The following PCDH9 variants were observed in gnomAD, a reference collection of about 807,000 sequenced individuals.
PCDH9 encodes protocadherin 9.
In PCDH9, 24 loss-of-function variants were observed where a neutral mutation model predicts 70.6. The ratio of observed to expected loss-of-function variants is 0.34; its 90% CI spans 0.25 to 0.48. The LOEUF (loss-of-function observed/expected upper bound fraction) is 0.48, where lower values mean the gene tolerates loss of function less well. Among genes scored for constraint, PCDH9 ranks in the 20% least tolerant of loss-of-function variants. PCDH9 has a pLI of 0.99. For synonymous variants in PCDH9, 562 were observed against 558.5 expected (o/e 1.01, Z -0.09); for missense variants, 1,281 against 1,503.6 (o/e 0.85, Z 2.45).
intron 2 of PCDH9, among the ~76,000 whole-genome samples, chr13:67,006,213 A>C (rs1010347389): frequency 1.1e-4 from 17 of 152,022 alleles, no homozygotes; most frequent in Non-Finnish European, 4.4e-5. Context: ...GGCGACAGAG[A>C]GAGACTCCGT....
At chr13:67,219,491 T>C (rs981829600) in intron 2 of PCDH9, 3 of 152,048 alleles carry the variant, frequency 2.0e-5, no homozygotes, top group Middle Eastern at 3.2e-3. Flanking sequence ...ACTTCTGTAG[T>C]ATAATGTAGA....
intron 3 of PCDH9, among the ~76,000 whole-genome samples, chr13:66,756,971 G>A (rs2079547341): frequency 6.6e-6 from 1 of 152,062 alleles, no homozygotes. Flanking sequence ...CAAGTAGCTG[G>A]GACTACAGGT....
chr13:67,066,587 A>G (rs2085653676), intron 2 of PCDH9, among the ~76,000 whole-genome samples: 1 of 152,162 alleles, frequency 6.6e-6, no homozygotes, highest in African/African-American at 2.4e-5. Context: ...GGTTCAATTT[A>G]AGCCAGATAT....
intron 2 of PCDH9, among the ~76,000 whole-genome samples, chr13:67,070,771 A>T (rs1265391720): frequency 6.6e-6 from 1 of 152,178 alleles, no homozygotes; most frequent in African/African-American, 2.4e-5. Flanking sequence ...TATTGGTTCA[A>T]TTGAGTTCTG....
chr13:66,833,930 T>G (rs1251656650), intron 3 of PCDH9, among the ~76,000 whole-genome samples: 1 of 152,186 alleles, frequency 6.6e-6, no homozygotes, highest in Non-Finnish European at 1.5e-5. Context: ...GTTGAATAGC[T>G]GATAATGAGC....
intron 3 of PCDH9, among the ~76,000 whole-genome samples, chr13:66,788,648 ATTTTTTT>A (rs58386697): frequency 1.2e-4 from 10 of 81,882 alleles, no homozygotes; most frequent in East Asian, 3.4e-4. Context: ...CTAAACAGTA[ATTTTTTT>A]TTTTTTTTTT....
chr13:66,668,705 T>C (rs1566493584), intron 3 of PCDH9, among the ~76,000 whole-genome samples: 1 of 152,154 alleles, frequency 6.6e-6, no homozygotes, highest in Non-Finnish European at 1.5e-5. Context: ...CAGTGAAAAT[T>C]TGGGGAGCAA....
chr13:66,557,912 G>A (rs149322216), intron 4 of PCDH9, among the ~76,000 whole-genome samples: 2,481 of 152,264 alleles, frequency 0.016, 42 homozygotes, highest in Middle Eastern at 0.034. Flanking sequence ...AACAGTTTGC[G>A]AGGCCAAGAC....
intron 4 of PCDH9, among the ~76,000 whole-genome samples, chr13:66,398,646 T>C (rs1210152991): frequency 6.6e-6 from 1 of 152,182 alleles, no homozygotes; most frequent in Non-Finnish European, 1.5e-5. Flanking sequence ...ACTAGCATTT[T>C]AGTACCTATT....
intron 4 of PCDH9, among the ~76,000 whole-genome samples, chr13:66,361,771 C>T (rs530176036): frequency 1.3e-5 from 2 of 152,122 alleles, no homozygotes; most frequent in South Asian, 4.2e-4. Context: ...TTTTTCAAAG[C>T]GGTATATGTT....
chr13:67,118,701 A>G (rs1345212562), intron 2 of PCDH9, among the ~76,000 whole-genome samples: 1 of 152,160 alleles, frequency 6.6e-6, no homozygotes, highest in African/African-American at 2.4e-5. Context: ...GCCAGAGAGT[A>G]TGATAGTATT....
chr13:67,111,690 T>A (rs2086662211), intron 2 of PCDH9, among the ~76,000 whole-genome samples: 1 of 152,208 alleles, frequency 6.6e-6, no homozygotes, highest in South Asian at 2.1e-4. Context: ...AGTGGAATAG[T>A]TACTGGAAAT....
intron 4 of PCDH9, among the ~76,000 whole-genome samples, chr13:66,307,597 C>T (rs1214369021): frequency 2.0e-5 from 3 of 151,976 alleles, no homozygotes; most frequent in African/African-American, 7.2e-5. Context: ...ATCTTGAAGC[C>T]TACAAGCAAA....
chr13:67,196,469 A>G (rs2089067937), intron 2 of PCDH9, among the ~76,000 whole-genome samples: 1 of 152,092 alleles, frequency 6.6e-6, no homozygotes, highest in Non-Finnish European at 1.5e-5. Context: ...ATACATGGAA[A>G]AACAAAACAA....
intron 3 of PCDH9, among the ~76,000 whole-genome samples, chr13:66,866,313 T>G (rs1240483758): frequency 6.6e-6 from 1 of 151,412 alleles, no homozygotes; most frequent in Non-Finnish European, 1.5e-5. Flanking sequence ...AAACCCCGTC[T>G]CTATTAAAAA....
At chr13:66,837,199 C>T (rs2081036763) in intron 3 of PCDH9, among the ~76,000 whole-genome samples, 2 of 152,190 alleles carry the variant, frequency 1.3e-5, no homozygotes, top group African/African-American at 4.8e-5. Context: ...AAATTTTCTT[C>T]CTTAATTCCA....
chr13:66,648,967 G>T (rs527858338), intron 3 of PCDH9, among the ~76,000 whole-genome samples: 2 of 151,966 alleles, frequency 1.3e-5, no homozygotes, highest in Non-Finnish European at 2.9e-5. Context: ...TCAAGCAGAA[G>T]AATTAGTGAG....
chr13:66,353,780 T>C (rs1351488767), intron 4 of PCDH9, among the ~76,000 whole-genome samples: 1 of 152,182 alleles, frequency 6.6e-6, no homozygotes, highest in African/African-American at 2.4e-5. Flanking sequence ...GAGTCTCAGA[T>C]ACTTATGTAC....
intron 3 of PCDH9, among the ~76,000 whole-genome samples, chr13:66,632,602 A>T (rs2077585941): frequency 6.6e-6 from 1 of 152,182 alleles, no homozygotes; most frequent in African/African-American, 2.4e-5. Flanking sequence ...TCTCATAAAA[A>T]ATAATACATT....
Sources: gnomAD v4.1 joint callset for allele counts (sites outside exome capture counted in the v4.1 genomes callset) on GRCh38, gnomAD v4.1.1 for gene constraint, MANE v1.5 for transcripts, NCBI Gene and HGNC (gene_info 2026-07-23, HGNC 2026-07-21) for gene names.